The following WNK1 variants were observed in gnomAD, a reference collection of about 807,000 sequenced individuals.
WNK1 encodes WNK lysine deficient protein kinase 1, also known as serine/threonine-protein kinase WNK1.
In WNK1, 38 loss-of-function variants were observed where a neutral mutation model predicts 222.8. The ratio of observed to expected loss-of-function variants is 0.17; its 90% CI spans 0.13 to 0.22. The LOEUF (loss-of-function observed/expected upper bound fraction) is 0.22. WNK1 is among the 10% of genes least tolerant of loss of function. The probability of loss-of-function intolerance (pLI) is 1.00; values close to 1 mark genes in which losing one functional copy is unlikely to be tolerated. For synonymous variants in WNK1, 1,090 were observed against 1,092.9 expected, an observed-to-expected ratio of 1.00 and a Z score of 0.05; for missense variants, 2,348 against 2,918.4, an observed-to-expected ratio of 0.80 and a Z score of 4.50.
At chr12:844,955 G>A (rs1311625810) in intron 4 of WNK1, among the ~76,000 whole-genome samples, 5 of 141,350 alleles carry the variant, frequency 3.5e-5, no homozygotes, top group Non-Finnish European at 6.1e-5. Flanking sequence ...GAGTGCAGTG[G>A]CGGGATCTCG....
Position 908,471 on chromosome 12 carries a change from T to G in WNK1, c.6832-4T>G. The G allele has an allele frequency of 6.2e-7, 1 of 1,614,232 alleles. No individual in the cohort carries two copies. On this transcript the variant is annotated splice_polypyrimidine_tract_variant and splice_region_variant and intron_variant, in intron 27 of 27. Coordinates refer to ENST00000315939, the MANE Select transcript of WNK1 (RefSeq NM_018979.4). ...GACTTGACACGTGGTGGTTTTGTTT[T>G]CAGGGCCCTGGAATGGCAAGGAAGT... is the stretch of plus-strand genomic sequence containing the variant.
chr12:815,880 G>A (rs1351602150), intron 2 of WNK1, among the ~76,000 whole-genome samples: 1 of 152,152 alleles, frequency 6.6e-6, no homozygotes, highest in Non-Finnish European at 1.5e-5. Flanking sequence ...ACTGAAATGT[G>A]GAATATAATA....
intron 21 of WNK1, among the ~76,000 whole-genome samples, chr12:890,168 G>A (rs1251541752): frequency 6.6e-6 from 1 of 151,832 alleles, no homozygotes; most frequent in African/African-American, 2.4e-5. Context: ...GGCCAGGCCG[G>A]TCTCGAACTC....
chr12:838,980 T>C (rs1482055138), intron 4 of WNK1, among the ~76,000 whole-genome samples: 1 of 152,154 alleles, frequency 6.6e-6, no homozygotes, highest in Non-Finnish European at 1.5e-5. Context: ...ATTATTGTTA[T>C]GTCAAACACA....
chr12:911,125 G>GTA lies in WNK1; in HGVS notation c.*2335_*2336dup, dbSNP rs1361857507. The GTA allele has an allele frequency of 1.3e-5, 5 of 395,542 alleles. No individual in the cohort carries two copies. Among genetic ancestry groups the GTA allele is most frequent in the African/African-American group, 8.2e-5 (4 of 48,554 alleles). The allele number at this position is 395,542 out of a possible 1,614,324, so 24.5% of individuals were successfully genotyped here. On this transcript the variant is annotated 3_prime_UTR_variant, in exon 28 of 28. Transcript: ENST00000315939. Reference sequence around the variant, plus strand: ...TTTACTGTTGATTTCATCCTCCTGTGTATGAAATAACAAGCCTAGAGGAAT... The same window carrying GTA: ...TTTACTGTTGATTTCATCCTCCTGTGTATATGAAATAACAAGCCTAGAGGAAT...
intron 16 of WNK1, 86 bp from the exon 17 acceptor site, chr12:883,688 A>T: frequency 1.3e-6 from 2 of 1,597,332 alleles, no homozygotes; most frequent in Admixed American, 1.7e-5. Flanking sequence ...ACAAACTTTT[A>T]TGTTCTCTTC....
chr12:893,450 A>G (rs1954451720), intron 22 of WNK1, among the ~76,000 whole-genome samples: 1 of 152,234 alleles, frequency 6.6e-6, no homozygotes, highest in African/African-American at 2.4e-5. Flanking sequence ...ATGTTCTACT[A>G]GCTGTATAAA....
chr12:851,155 C>T (rs1950390314), intron 4 of WNK1, among the ~76,000 whole-genome samples: 1 of 152,082 alleles, frequency 6.6e-6, no homozygotes, highest in Admixed American at 6.6e-5. Flanking sequence ...AACTGAGAAC[C>T]CAGCCCCAGT....
chr12:785,604 C>A (rs193160353), intron 1 of WNK1, among the ~76,000 whole-genome samples: 3 of 152,006 alleles, frequency 2.0e-5, no homozygotes, highest in East Asian at 1.9e-4. Flanking sequence ...TCACCGTGTT[C>A]GCCAGGGTGA....
chr12:854,029 C>T (rs4980972), intron 4 of WNK1, among the ~76,000 whole-genome samples: 1 of 151,768 alleles, frequency 6.6e-6, no homozygotes, highest in Non-Finnish European at 1.5e-5. Context: ...GGGACTACAG[C>T]TTTGAGCCAC....
chr12:894,617 T>C lies in WNK1; in HGVS notation c.5565T>C (p.Phe1855=). 6.2e-7 allele frequency: 1 copy of C among 1,614,060 alleles called. No homozygotes were observed. The highest frequency in any genetic ancestry group is 1.1e-5 in the South Asian group (1 of 91,082). ...CAACTAGTTCAGGAGCTGGTGTTTT[T>C]AAGATGGGACGATTTCAGGTAAGAC... The part of the protein sequence containing the change: ...VLATSSGAGV[F]KMGRFQVSVA... Residue 1855 remains phenylalanine (F), a synonymous_variant, in exon 23 of 28, where the codon TTT becomes TTC. Transcript: ENST00000315939.
Position 899,466 on chromosome 12 carries a change from G to A in WNK1, c.6449-1010G>A, listed in dbSNP as rs186851611. 5.8e-3 allele frequency among the ~76,000 whole-genome samples: 883 copies of A among 152,018 alleles called. 5 individuals are homozygous for A. Among genetic ancestry groups the A allele is most frequent in the Non-Finnish European group, 9.6e-3 (653 of 67,966 alleles). On this transcript the variant is annotated intron_variant, in intron 25 of 27. Transcript: ENST00000315939. ...ACACCTGGCTAATTTTTGTATTTTT[G>A]TATTTTTAGTTGCACTATGTTGGCC...
In WNK1 at chr12:777,067, A is replaced by G. The variant is rs535773143; in HGVS notation, c.759+22743A>G. Among the ~76,000 whole-genome samples, 66 of 151,964 alleles carry G rather than the reference A, an allele frequency of 4.3e-4. 1 individual carries two copies. Among genetic ancestry groups the G allele is most frequent in the Admixed American group, 4.0e-3 (61 of 15,250 alleles). On this transcript the variant is annotated intron_variant, in intron 1 of 27. Transcript: ENST00000315939. Reference sequence around the variant, plus strand: ...TTATGTGTATATTTAAACTCATTCCATGATGTGCAGTGTTAACTTTTTAGT... The same window carrying G: ...TTATGTGTATATTTAAACTCATTCCGTGATGTGCAGTGTTAACTTTTTAGT...
intron 8 of WNK1, among the ~76,000 whole-genome samples, chr12:864,013 T>C (rs1951417282): frequency 6.6e-6 from 1 of 151,964 alleles, no homozygotes; most frequent in African/African-American, 2.4e-5. Flanking sequence ...TCACAACATC[T>C]AAAAGGAAAA....
chr12:821,477 G>A (rs1321227391), intron 2 of WNK1, among the ~76,000 whole-genome samples: 1 of 152,192 alleles, frequency 6.6e-6, no homozygotes, highest in Non-Finnish European at 1.5e-5. Context: ...ATTTCTTGAA[G>A]GAATGTTCCA....
Position 822,125 on chromosome 12 carries a change from G to A in WNK1, c.933-4917G>A, listed in dbSNP as rs1423496650. Among the ~76,000 whole-genome samples the A allele has an allele frequency of 4.5e-5, 5 of 110,866 alleles. No homozygotes were observed. In the Admixed American group the frequency reaches 5.5e-4, roughly 12 times the overall value. 72.7% of individuals were successfully genotyped at this position (110,866 alleles called of 152,430 possible). A position where few individuals can be genotyped will look rare whatever the true frequency, so the allele number is the denominator to read the frequency against. On this transcript the variant is annotated intron_variant, in intron 2 of 27. Coordinates refer to ENST00000315939, the MANE Select transcript of WNK1 (RefSeq NM_018979.4). ...TTTTTTTTTTTTGAGACGGAGCCTC[G>A]CTCTGTTGCCCAGACTGGAGTGCAG...
At chr12:895,807 G>A (rs911085806) in intron 23 of WNK1, among the ~76,000 whole-genome samples, 1 of 152,132 alleles carries the variant, frequency 6.6e-6, no homozygotes, top group South Asian at 2.1e-4. Flanking sequence ...TCTGAATTCT[G>A]TGTATGACAT....
At chr12:835,941 G>A (rs1949144653) in intron 4 of WNK1, among the ~76,000 whole-genome samples, 1 of 150,088 alleles carries the variant, frequency 6.7e-6, no homozygotes, top group Non-Finnish European at 1.5e-5. Flanking sequence ...GTGACAGCAA[G>A]ACTTGGTCTA....
At chr12:869,153 A>G (rs368291023) in intron 8 of WNK1, 205 of 1,599,474 alleles carry the variant, frequency 1.3e-4, no homozygotes, top group Non-Finnish European at 1.7e-4. Flanking sequence ...ACTTTGCACC[A>G]TAACATTTAA....
Sources: allele counts gnomAD v4.1 joint callset (sites outside exome capture counted in the v4.1 genomes callset), GRCh38; gene constraint gnomAD v4.1.1; transcripts MANE v1.5; gene names NCBI Gene and HGNC (gene_info 2026-07-23, HGNC 2026-07-21).